The following FRMD4A variants were observed in gnomAD, a reference collection of about 807,000 sequenced individuals.
The protein encoded by FRMD4A is FERM domain containing 4A, also known as FERM domain-containing protein 4A.
In FRMD4A, 29 loss-of-function variants were observed where a neutral mutation model predicts 129.1. The observed-to-expected ratio is 0.22, with a 90% CI of 0.17 to 0.31. The LOEUF is 0.31. Ranked by LOEUF, FRMD4A falls within the 10% of genes least tolerant of loss-of-function variation. The pLI is 1.00. For synonymous variants in FRMD4A, 634 were observed against 571.6 expected, an observed-to-expected ratio of 1.11 and a Z score of -1.56; for missense variants, 1,272 against 1,375.8, an observed-to-expected ratio of 0.92 and a Z score of 1.19.
chr10:13,693,869 G>A, intron 15 of FRMD4A, 29 bp downstream of exon 15: 1 of 1,607,186 alleles, frequency 6.2e-7, no homozygotes, highest in South Asian at 1.1e-5. Context: ...CATGCTCAGG[G>A]GGCGTCCCTC....
chr10:14,179,017 AAAT>A (rs897270553), intron 2 of FRMD4A, among the ~76,000 whole-genome samples: 1 of 152,160 alleles, frequency 6.6e-6, no homozygotes, highest in African/African-American at 2.4e-5. Context: ...AAAGAGAGGG[AAAT>A]AATAACTTTA....
chr10:14,127,979 C>CT lies in FRMD4A; in HGVS notation c.45+202078dup, dbSNP rs58342864. ...CTTTCTTTCTTTCTTTCTTTCTTTC[C>CT]TTCTCTCTCTCTCTCTCTCTCTTTC... On this transcript the variant is annotated intron_variant, in intron 2 of 24. Coordinates refer to ENST00000357447, the MANE Select transcript of FRMD4A (RefSeq NM_018027.5). 8.8e-3 allele frequency among the ~76,000 whole-genome samples: 272 copies of CT among 31,002 alleles called. 27 individuals are homozygous for CT. Among genetic ancestry groups the CT allele is most frequent in the South Asian group, 0.018 (14 of 786 alleles). 20.3% of individuals were successfully genotyped at this position (31,002 alleles called of 152,430 possible).
chr10:14,086,944 T>TG (rs1019583884), intron 2 of FRMD4A, among the ~76,000 whole-genome samples: 65 of 152,268 alleles, frequency 4.3e-4, no homozygotes, highest in African/African-American at 1.5e-3. Context: ...TCTGGAATTC[T>TG]GGGATTATAT....
intron 2 of FRMD4A, among the ~76,000 whole-genome samples, chr10:14,289,856 T>C (rs1254643404): frequency 2.6e-5 from 4 of 151,656 alleles, no homozygotes; most frequent in African/African-American, 9.7e-5. Context: ...ATACAGAAAA[T>C]CCTAAAGACT....
intron 2 of FRMD4A, among the ~76,000 whole-genome samples, chr10:13,903,592 C>T (rs910725059): frequency 1.6e-4 from 24 of 152,028 alleles, no homozygotes; most frequent in African/African-American, 5.8e-4. Flanking sequence ...TAAAAATTAG[C>T]CAGGTGTAGT....
chr10:14,173,347 C>T (rs1041564411), intron 2 of FRMD4A, among the ~76,000 whole-genome samples: 12 of 151,364 alleles, frequency 7.9e-5, no homozygotes, highest in Non-Finnish European at 1.6e-4. Flanking sequence ...AAACTCCAGC[C>T]AAGAAGAACA....
At chr10:13,744,126 G>A (rs1430589906) in intron 9 of FRMD4A, among the ~76,000 whole-genome samples, 1 of 152,178 alleles carries the variant, frequency 6.6e-6, no homozygotes, top group African/African-American at 2.4e-5. Context: ...ATGGTGATAT[G>A]ATATGGTTCC....
At chr10:13,774,392 G>A (rs556158003) in intron 6 of FRMD4A, among the ~76,000 whole-genome samples, 3 of 152,224 alleles carry the variant, frequency 2.0e-5, no homozygotes, top group Non-Finnish European at 2.9e-5. Flanking sequence ...ACCTTTCCTC[G>A]CCTTTCTGCT....
chr10:13,674,425 G>T (rs1004902505), intron 16 of FRMD4A, among the ~76,000 whole-genome samples: 4 of 152,084 alleles, frequency 2.6e-5, no homozygotes, highest in African/African-American at 9.7e-5. Context: ...GTCCTCTTTG[G>T]GATTTTGCCA....
chr10:13,737,602 G>A (rs1027690389), intron 12 of FRMD4A, among the ~76,000 whole-genome samples: 13 of 152,004 alleles, frequency 8.6e-5, no homozygotes, highest in Non-Finnish European at 1.0e-4. Flanking sequence ...AACTGAGCCA[G>A]TCATCTCACC....
chr10:14,107,871 A>G (rs1185193082), intron 2 of FRMD4A, among the ~76,000 whole-genome samples: 1 of 152,170 alleles, frequency 6.6e-6, no homozygotes, highest in Non-Finnish European at 1.5e-5. Context: ...GGGTTATTCC[A>G]GGTTGCTTTT....
intron 2 of FRMD4A, among the ~76,000 whole-genome samples, chr10:14,068,080 C>T (rs1394731659): frequency 1.3e-5 from 2 of 152,244 alleles, no homozygotes; most frequent in African/African-American, 4.8e-5. Context: ...AATCAATGTG[C>T]TTTCTGGGAT....
intron 2 of FRMD4A, among the ~76,000 whole-genome samples, chr10:14,187,512 C>T (rs184055528): frequency 4.2e-4 from 64 of 152,294 alleles, no homozygotes; most frequent in Non-Finnish European, 6.0e-4. Context: ...ACATTTGCTT[C>T]GACCTATATC....
intron 2 of FRMD4A, among the ~76,000 whole-genome samples, chr10:13,927,084 T>C (rs547940641): frequency 6.6e-6 from 1 of 152,172 alleles, no homozygotes; most frequent in African/African-American, 2.4e-5. Flanking sequence ...TAAAACCTCA[T>C]CTCTACTAAA....
At chr10:14,138,709 G>A (rs11258890) in intron 2 of FRMD4A, among the ~76,000 whole-genome samples, 37,162 of 151,302 alleles carry the variant, frequency 0.25, 5,445 homozygotes, top group East Asian at 0.51. Flanking sequence ...GCAGTGAGCC[G>A]AGATCGCACC....
chr10:14,150,401 T>C (rs1210503603), intron 2 of FRMD4A, among the ~76,000 whole-genome samples: 1 of 152,244 alleles, frequency 6.6e-6, no homozygotes, highest in Non-Finnish European at 1.5e-5. Context: ...TTTCCATTTA[T>C]AATGCAAAGC....
At chr10:13,914,672 C>G (rs1181945012) in intron 2 of FRMD4A, among the ~76,000 whole-genome samples, 1 of 152,072 alleles carries the variant, frequency 6.6e-6, no homozygotes, top group Non-Finnish European at 1.5e-5. Context: ...AACAGACCAG[C>G]TACTTACGTG....
intron 8 of FRMD4A, among the ~76,000 whole-genome samples, chr10:13,752,417 C>A (rs2091670454): frequency 6.6e-6 from 1 of 152,160 alleles, no homozygotes; most frequent in African/African-American, 2.4e-5. Context: ...TGAGGAAAAT[C>A]CACAATGTGT....
intron 3 of FRMD4A, among the ~76,000 whole-genome samples, chr10:13,825,872 C>A (rs2093693389): frequency 6.6e-6 from 1 of 152,254 alleles, no homozygotes; most frequent in Non-Finnish European, 1.5e-5. Context: ...CGGACTTGAG[C>A]ATCTGATGAT....
Sources: gnomAD v4.1 joint callset for allele counts (sites outside exome capture counted in the v4.1 genomes callset) on GRCh38, gnomAD v4.1.1 for gene constraint, MANE v1.5 for transcripts, NCBI Gene and HGNC (gene_info 2026-07-23, HGNC 2026-07-21) for gene names.